STRADA: variants seen among roughly 807,000 people sequenced by gnomAD.
The protein encoded by STRADA is STE20 related adaptor alpha, also known as STE20-related kinase adapter protein alpha.
A neutral mutation model predicts 55.0 loss-of-function variants in STRADA; 26 were observed. The observed-to-expected ratio is 0.47, with a 90% CI of 0.35 to 0.66. The LOEUF is 0.66. STRADA is among the 30% of genes least tolerant of loss of function. The pLI, the probability that STRADA is intolerant of heterozygous loss-of-function variation, is 0.01. For synonymous variants in STRADA, 197 were observed against 210.9 expected, an observed-to-expected ratio of 0.93 and a Z score of 0.57; for missense variants, 443 against 549.7, an observed-to-expected ratio of 0.81 and a Z score of 1.94.
chr17:63,720,323 C>T (rs1297904605), intron 4 of STRADA, among the ~76,000 whole-genome samples: 5 of 151,936 alleles, frequency 3.3e-5, no homozygotes, highest in African/African-American at 7.2e-5. Context: ...TACCAGTGTG[C>T]GCTACCATGC....
chr17:63,708,930 C>T (rs1450076554), intron 8 of STRADA, among the ~76,000 whole-genome samples: 2 of 152,180 alleles, frequency 1.3e-5, no homozygotes, highest in East Asian at 1.9e-4. Context: ...GTTCCGCATC[C>T]CATTCTTCCT....
At chr17:63,737,448 G>A (rs1279675144) in intron 1 of STRADA, 2 of 151,316 alleles carry the variant, frequency 1.3e-5, no homozygotes, top group Non-Finnish European at 2.9e-5. Flanking sequence ...TATAGACAAA[G>A]CATGATAAAC....
chr17:63,731,787 T>C (rs1297018936), intron 1 of STRADA, among the ~76,000 whole-genome samples: 1 of 152,186 alleles, frequency 6.6e-6, no homozygotes, highest in Non-Finnish European at 1.5e-5. Flanking sequence ...AAGAGGCAGA[T>C]AGATGTTTTT....
At chr17:63,712,698 A>G (rs965499332) in intron 6 of STRADA, among the ~76,000 whole-genome samples, 1 of 151,376 alleles carries the variant, frequency 6.6e-6, no homozygotes, top group Non-Finnish European at 1.5e-5. Flanking sequence ...ATAAAATGAG[A>G]CCCTGTCTCG....
At chr17:63,717,915 G>C (rs2143992402) in intron 4 of STRADA, among the ~76,000 whole-genome samples, 1 of 151,842 alleles carries the variant, frequency 6.6e-6, no homozygotes, top group East Asian at 1.9e-4. Context: ...GCCTGGCCTA[G>C]GATCACTAAA....
At position 63,703,769 on chromosome 17, in the gene STRADA, G is replaced by A; in HGVS notation, c.1144-18C>T. The A allele has an allele frequency of 1.2e-6, 2 of 1,613,064 alleles. No homozygotes were observed. The highest frequency in any genetic ancestry group is 1.7e-6 in the Non-Finnish European group (2 of 1,179,268). On this transcript the variant is annotated intron_variant, in intron 12 of 12. Coordinates refer to ENST00000336174, the MANE Select transcript of STRADA (RefSeq NM_001003787.4). ...CGCTTGATCTGGGGGAGAAGAGAGA[G>A]GTGGGTGACAGATCCTGTTGCTCTG... is the stretch of plus-strand genomic sequence containing the variant.
intron 10 of STRADA, chr17:63,705,497 C>T (rs79558643): frequency 0.015 from 2,457 of 159,052 alleles, 70 homozygotes; most frequent in African/African-American, 0.054. Flanking sequence ...CATAGACTTC[C>T]ATACCCACCT....
At position 63,703,745 on chromosome 17, in the gene STRADA, G is replaced by C. The variant is rs9915192; in HGVS notation, c.1150C>G (p.Arg384Gly). The C allele has an allele frequency of 1.9e-6, 3 of 1,613,902 alleles. No individual in the cohort carries two copies. The highest frequency in any genetic ancestry group is 1.3e-5 in the African/African-American group (1 of 74,920). Residue 384 changes from arginine (R) to glycine (G), a missense_variant, in exon 13 of 13, where the codon CGA (arginine) becomes GGA (glycine). By Grantham distance (125) the Arg-to-Gly change is moderately radical. Transcript: ENST00000336174. ...LNHSFFKQIK[R>G]RASEALPELL... The stretch of plus-strand genomic sequence containing the variant: ...TCGGGCAAAGCCTCTGAGGCACGTC[G>C]CTTGATCTGGGGGAGAAGAGAGAGG...
intron 1 of STRADA, among the ~76,000 whole-genome samples, chr17:63,738,874 G>A (rs1437744672): frequency 1.3e-5 from 2 of 149,554 alleles, no homozygotes; most frequent in African/African-American, 2.5e-5. Flanking sequence ...GGAACAGGCC[G>A]GGTGCGGTGG....
intron 1 of STRADA, among the ~76,000 whole-genome samples, chr17:63,735,208 G>A (rs548952462): frequency 6.6e-6 from 1 of 152,170 alleles, no homozygotes; most frequent in African/African-American, 2.4e-5. Context: ...CAAATCGTAA[G>A]AATAATCAAT....
At chr17:63,708,197 GTTC>G (rs2036246317) in intron 8 of STRADA, among the ~76,000 whole-genome samples, 1 of 151,162 alleles carries the variant, frequency 6.6e-6, no homozygotes, top group Non-Finnish European at 1.5e-5. Flanking sequence ...CAGGTTTTTT[GTTC>G]TTGTTGTTGT....
chr17:63,713,388 ACACT>A lies in STRADA; in HGVS notation c.348+14_348+17del. ...AGAGCCCACCCTCCCTCCATGTGAC[ACACT>A]CATGGTTTATTACCTGCAAGAATGT... On this transcript the variant is annotated intron_variant, in intron 6 of 12. Coordinates refer to ENST00000336174, the MANE Select transcript of STRADA (RefSeq NM_001003787.4). The A allele has an allele frequency of 6.2e-7, 1 of 1,610,948 alleles. No homozygotes were observed. The highest frequency in any genetic ancestry group is 8.5e-7 in the Non-Finnish European group (1 of 1,178,898).
At chr17:63,735,586 T>C (rs1346893439) in intron 1 of STRADA, among the ~76,000 whole-genome samples, 2 of 152,096 alleles carry the variant, frequency 1.3e-5, no homozygotes, top group African/African-American at 4.8e-5. Context: ...ATCTCACCTC[T>C]CTCCCAAGGT....
intron 12 of STRADA, 34 bp downstream of exon 12, chr17:63,703,971 T>TAGAACCAGAACC (rs3830487): frequency 2.4e-5 from 39 of 1,611,492 alleles, no homozygotes; most frequent in South Asian, 1.2e-4. Flanking sequence ...GAACCAGAAC[T>TAGAACCAGAACC]AGAACCAGAA....
intron 1 of STRADA, among the ~76,000 whole-genome samples, chr17:63,734,363 T>C (rs1203657225): frequency 6.6e-6 from 1 of 151,950 alleles, no homozygotes; most frequent in Non-Finnish European, 1.5e-5. Flanking sequence ...CAGGGATAGG[T>C]TGGGCACGGT....
Position 63,703,362 on chromosome 17 carries a change from C to T in STRADA, c.*237G>A, listed in dbSNP as rs181145421. The T allele has an allele frequency of 1.7e-5, 8 of 459,846 alleles. No individual in the cohort carries two copies. The highest frequency in any genetic ancestry group is 1.4e-4 in the African/African-American group (7 of 50,680). 28.5% of individuals were successfully genotyped at this position (459,846 alleles called of 1,614,324 possible). A position where few individuals can be genotyped will look rare whatever the true frequency, so the allele number is the denominator to read the frequency against. On this transcript the variant is annotated 3_prime_UTR_variant, in exon 13 of 13. Coordinates refer to ENST00000336174, the MANE Select transcript of STRADA (RefSeq NM_001003787.4). The stretch of plus-strand genomic sequence containing the variant: ...CCTGAGCTCACAGGACTGGGAATGT[C>T]GGCTTTGGACCCTCCTGATCCCTGG...
chr17:63,714,846 T>C (rs1279254179), intron 4 of STRADA, among the ~76,000 whole-genome samples: 1 of 152,248 alleles, frequency 6.6e-6, no homozygotes, highest in Non-Finnish European at 1.5e-5. Flanking sequence ...ATGTCTGAGT[T>C]TGTGCAAAAC....
At chr17:63,719,131 G>A (rs1288951025) in intron 4 of STRADA, 2 of 152,208 alleles carry the variant, frequency 1.3e-5, no homozygotes, top group Non-Finnish European at 2.9e-5. Flanking sequence ...AAGAGAATAG[G>A]TCAATGCAGC....
chr17:63,708,716 G>C (rs2036285329), intron 8 of STRADA, among the ~76,000 whole-genome samples: 1 of 152,034 alleles, frequency 6.6e-6, no homozygotes, highest in Non-Finnish European at 1.5e-5. Context: ...TGTATGTTTA[G>C]TAGAGACAGG....
Sources: gnomAD v4.1 joint callset for allele counts (sites outside exome capture counted in the v4.1 genomes callset) on GRCh38, gnomAD v4.1.1 for gene constraint, MANE v1.5 for transcripts, NCBI Gene and HGNC (gene_info 2026-07-23, HGNC 2026-07-21) for gene names.